AGO1: variants seen among roughly 807,000 people sequenced by gnomAD.
AGO1 encodes the protein protein argonaute-1.
In AGO1, 11 loss-of-function variants were observed where a neutral mutation model predicts 109.2. The observed-to-expected ratio is 0.10, with a 90% CI of 0.06 to 0.17. AGO1 has a LOEUF of 0.17. Ranked by LOEUF, AGO1 falls within the 10% of genes least tolerant of loss-of-function variation. The pLI, the probability that AGO1 is intolerant of heterozygous loss-of-function variation, is 1.00. For missense variants in AGO1, 574 were observed against 1,140.3 expected (o/e 0.50, Z 7.15); for synonymous variants, 422 against 418.6 (o/e 1.01, Z -0.10).
chr1:35,895,323 G>T, intron 8 of AGO1, 54 bp downstream of exon 8: 1 of 1,527,392 alleles, frequency 6.5e-7, no homozygotes, highest in South Asian at 1.2e-5. Flanking sequence ...CCTGCATGCT[G>T]ATCATCAGAT....
At chr1:35,875,427 T>C (rs1644985292) in intron 1 of AGO1, among the ~76,000 whole-genome samples, 1 of 152,178 alleles carries the variant, frequency 6.6e-6, no homozygotes, top group Non-Finnish European at 1.5e-5. Context: ...ATTTATTTAT[T>C]TTTTGAGACA....
At chr1:35,896,355 T>A (rs528503165) in intron 8 of AGO1, among the ~76,000 whole-genome samples, 88 of 151,908 alleles carry the variant, frequency 5.8e-4, no homozygotes, top group Non-Finnish European at 1.1e-3. Flanking sequence ...GGAGAAGCAC[T>A]GTACTAGACT....
At chr1:35,887,168 A>G (rs1645134263) in intron 1 of AGO1, among the ~76,000 whole-genome samples, 1 of 152,076 alleles carries the variant, frequency 6.6e-6, no homozygotes, top group South Asian at 2.1e-4. Context: ...GTTAGAGGGA[A>G]ACAGAGCAGC....
intron 1 of AGO1, among the ~76,000 whole-genome samples, chr1:35,884,801 G>A (rs1645092576): frequency 6.6e-6 from 1 of 152,194 alleles, no homozygotes; most frequent in African/African-American, 2.4e-5. Flanking sequence ...GGGCTGTGGG[G>A]TGGTGATACC....
chr1:35,890,483 A>G (rs935451871), intron 2 of AGO1, among the ~76,000 whole-genome samples: 1 of 152,214 alleles, frequency 6.6e-6, no homozygotes, highest in South Asian at 2.1e-4. Context: ...AAGATATTAC[A>G]TACCGGCACA....
At position 35,923,388 on chromosome 1, in the gene AGO1, T is replaced by A. The variant is rs1645867836; in HGVS notation, c.*3781T>A. 1 of 152,248 alleles carries A rather than the reference T, an allele frequency of 6.6e-6. No homozygotes were observed. Among genetic ancestry groups the A allele is most frequent in the South Asian group, 2.1e-4 (1 of 4,818 alleles). 9.4% of individuals were successfully genotyped at this position (152,248 alleles called of 1,614,324 possible). On this transcript the variant is annotated 3_prime_UTR_variant, in exon 19 of 19. Transcript: ENST00000373204. The stretch of plus-strand genomic sequence containing the variant: ...GATATCTGTAAGGCTGGTGGGACAG[T>A]TTTGGACCTGGAATCATGTGTAACT...
intron 15 of AGO1, among the ~76,000 whole-genome samples, chr1:35,916,000 C>T (rs1365916585): frequency 2.6e-5 from 4 of 151,552 alleles, no homozygotes; most frequent in East Asian, 2.0e-4. Context: ...TCATAATATT[C>T]CTCCTATTCA....
rs1049227178 is a variant in AGO1, at chr1:35,924,887, G to A, written c.*5280G>A. The A allele has an allele frequency of 2.6e-5, 4 of 152,132 alleles. No individual in the cohort carries two copies. The highest frequency in any genetic ancestry group is 7.2e-5 in the African/African-American group (3 of 41,420). 9.4% of individuals were successfully genotyped at this position (152,132 alleles called of 1,614,324 possible). ...GTAAGGTGTCCAGTAAACACAGGTTGGTGCTCAGGTAAGACTGTAAAACTG... is the reference window on the plus strand; with the variant it reads ...GTAAGGTGTCCAGTAAACACAGGTTAGTGCTCAGGTAAGACTGTAAAACTG... On this transcript the variant is annotated 3_prime_UTR_variant, in exon 19 of 19. Transcript: ENST00000373204.
chr1:35,893,737 T>C lies in AGO1; in HGVS notation c.576T>C (p.Gly192=). Residue 192 remains glycine, a synonymous_variant, in exon 5 of 19, where the codon GGT becomes GGC. Coordinates refer to ENST00000373204, the MANE Select transcript of AGO1 (RefSeq NM_012199.5). This position sits in a 1 kb window ranked among gnomAD's most constrained non-coding sequence, Gnocchi z 5.6. The part of the protein sequence containing the change: ...PPEGYYHPLG[G]GREVWFGFHQ... ...AGGGCTACTACCACCCGCTGGGGGG[T>C]GGGCGCGAGGTCTGGTTCGGCTTTC... 6.2e-7 allele frequency: 1 copy of C among 1,613,870 alleles called. No homozygotes were observed. The highest frequency in any genetic ancestry group is 8.5e-7 in the Non-Finnish European group (1 of 1,179,914).
At chr1:35,877,478 C>G (rs1212606484) in intron 1 of AGO1, among the ~76,000 whole-genome samples, 3 of 152,088 alleles carry the variant, frequency 2.0e-5, no homozygotes, top group African/African-American at 7.2e-5. Flanking sequence ...CCCTGATTAT[C>G]CCAGACTAGA....
chr1:35,893,428 AT>A lies in AGO1; in HGVS notation c.512+153del. 2.1e-6 allele frequency: 2 copies of A among 963,964 alleles called. No homozygotes were observed. Among genetic ancestry groups the A allele is most frequent in the Non-Finnish European group, 3.0e-6 (2 of 665,802 alleles). 59.7% of individuals were successfully genotyped at this position (963,964 alleles called of 1,614,324 possible). ...ACTTGCCAGGCAAATGTGTATTTAT[AT>A]TTAGATGGTTTAAAGCCCTGGCCCT... On this transcript the variant is annotated intron_variant, in intron 4 of 18. Transcript: ENST00000373204. The surrounding 1 kb of genome is among the most constrained non-coding windows in gnomAD (Gnocchi z 5.6).
Position 35,910,290 on chromosome 1 carries a change from G to T in AGO1, c.1582+3171G>T, listed in dbSNP as rs542901355. Among the ~76,000 whole-genome samples the T allele has an allele frequency of 9.2e-5, 14 of 151,756 alleles. No homozygotes were observed. In the East Asian group the frequency reaches 2.7e-3, roughly 30 times the overall value. On this transcript the variant is annotated intron_variant, in intron 12 of 18. Coordinates refer to ENST00000373204, the MANE Select transcript of AGO1 (RefSeq NM_012199.5). ...CCATTGGCTTTTGGTTGCCCTGAGA[G>T]CGTAGAAGGACAGTGTCACATTTGC... is the stretch of plus-strand genomic sequence containing the variant.
chr1:35,893,580 C>A lies in AGO1; in HGVS notation c.513-94C>A. The A allele has an allele frequency of 7.4e-7, 1 of 1,351,170 alleles. No individual in the cohort carries two copies. Among genetic ancestry groups the A allele is most frequent in the Non-Finnish European group, 1.0e-6 (1 of 1,003,468 alleles). 83.7% of individuals were successfully genotyped at this position (1,351,170 alleles called of 1,614,324 possible). On this transcript the variant is annotated intron_variant, in intron 4 of 18. Coordinates refer to ENST00000373204, the MANE Select transcript of AGO1 (RefSeq NM_012199.5). This position sits in a 1 kb window ranked among gnomAD's most constrained non-coding sequence, Gnocchi z 5.6. ...AGAGCTGGCATTAAAGCCCCGGTGT[C>A]CTGCCTTTCAGGCCAGGGCTCCTCC...
chr1:35,898,259 T>C (rs578106209), intron 8 of AGO1, among the ~76,000 whole-genome samples: 1 of 151,944 alleles, frequency 6.6e-6, no homozygotes, highest in Non-Finnish European at 1.5e-5. Context: ...ATGTTTAACA[T>C]CTTTTTTTTT....
intron 12 of AGO1, among the ~76,000 whole-genome samples, chr1:35,913,179 C>G (rs1476504196): frequency 6.6e-6 from 1 of 152,118 alleles, no homozygotes; most frequent in East Asian, 1.9e-4. Context: ...GCCACCATGC[C>G]TGGCTAATTT....
At position 35,883,470 on chromosome 1, in the gene AGO1, C is replaced by T. The variant is rs756217858; in HGVS notation, c.25+24C>T. On this transcript the variant is annotated intron_variant, in intron 1 of 18. Transcript: ENST00000373204. The surrounding 1 kb of genome is among the most constrained non-coding windows in gnomAD (Gnocchi z 5.4). ...AGGTAAGGGTCCCCAGGAGGGGGAA[C>T]GGTGCATGCTCCAAGGACTGGGGGA... 1.9e-6 allele frequency: 3 copies of T among 1,551,668 alleles called. No individual in the cohort carries two copies.
chr1:35,891,868 CT>C (rs957515153), intron 2 of AGO1, among the ~76,000 whole-genome samples: 2 of 148,888 alleles, frequency 1.3e-5, no homozygotes, highest in African/African-American at 4.9e-5. Context: ...CCTGGCCATC[CT>C]TTTTTTTTGT....
At chr1:35,908,797 C>T (rs1233241382) in intron 12 of AGO1, among the ~76,000 whole-genome samples, 1 of 151,026 alleles carries the variant, frequency 6.6e-6, no homozygotes, top group Admixed American at 6.6e-5. Context: ...CCACACTTCT[C>T]AACTGAGTTC....
At chr1:35,896,778 TCCCCAAAACCAAGAAC>T (rs1425616109) in intron 8 of AGO1, among the ~76,000 whole-genome samples, 1 of 152,118 alleles carries the variant, frequency 6.6e-6, no homozygotes, top group Non-Finnish European at 1.5e-5. Context: ...GGAGAAGAGA[TCCCCAAAACCAAGAAC>T]TCTGACTTGG....
Sources: allele counts gnomAD v4.1 joint callset (sites outside exome capture counted in the v4.1 genomes callset), GRCh38; gene constraint gnomAD v4.1.1; non-coding constraint Gnocchi (gnomAD v3.1); transcripts MANE v1.5; gene names NCBI Gene and HGNC (gene_info 2026-07-23, HGNC 2026-07-21).